The following PLEKHA6 variants were observed in gnomAD, a reference collection of about 807,000 sequenced individuals.
PLEKHA6 encodes pleckstrin homology domain-containing family A member 6.
Under a neutral mutation model 116.7 loss-of-function variants are expected in PLEKHA6, and 60 were observed. That is an observed-to-expected ratio of 0.51 (90% CI 0.42 to 0.64). The LOEUF (loss-of-function observed/expected upper bound fraction) is 0.64. Ranked by LOEUF, PLEKHA6 falls within the 30% of genes least tolerant of loss-of-function variation. The probability of loss-of-function intolerance (pLI) is 0.00; values close to 1 mark genes in which losing one functional copy is unlikely to be tolerated. For synonymous variants in PLEKHA6, 489 were observed against 556.1 expected (o/e 0.88, Z 1.70); for missense variants, 1,338 against 1,422.7 (o/e 0.94, Z 0.96).
In PLEKHA6 at chr1:204,242,534, A is replaced by T. The variant is rs1013301479; in HGVS notation, c.2173-720T>A. 2.6e-5 allele frequency among the ~76,000 whole-genome samples: 4 copies of T among 152,326 alleles called. No homozygotes were observed. The East Asian group carries it at 7.7e-4, about 29-fold the overall frequency. On this transcript the variant is annotated intron_variant, in intron 15 of 22. Coordinates refer to ENST00000272203, the MANE Select transcript of PLEKHA6 (RefSeq NM_014935.5). ...ATGAGCATATGAGTTTTCCAATTTT[A>T]GGCACAGGACTCTTTCTACTCACCA...
chr1:204,243,361 T>C (rs951385898), intron 15 of PLEKHA6: 1 of 399,076 alleles, frequency 2.5e-6, no homozygotes, highest in African/African-American at 2.1e-5. Flanking sequence ...ACAACATTGC[T>C]GGAGACCTGG....
intron 13 of PLEKHA6, 89 bp from the exon 14 acceptor site, chr1:204,245,815 C>G: frequency 1.2e-6 from 1 of 868,090 alleles, no homozygotes; most frequent in South Asian, 1.5e-5. Context: ...AACCCACATC[C>G]CTTTGGGCCA....
chr1:204,241,956 T>G, intron 15 of PLEKHA6, 142 bp from the exon 16 acceptor site: 1 of 891,196 alleles, frequency 1.1e-6, no homozygotes, highest in South Asian at 1.4e-5. Flanking sequence ...GTGTGCCGCC[T>G]GGGAGGCGGA....
At chr1:204,249,574 T>C (rs564963512) in intron 10 of PLEKHA6, among the ~76,000 whole-genome samples, 1 of 152,292 alleles carries the variant, frequency 6.6e-6, no homozygotes, top group Admixed American at 6.5e-5. Flanking sequence ...GGAGATGATA[T>C]GACCTCACCT....
intron 9 of PLEKHA6, among the ~76,000 whole-genome samples, chr1:204,253,676 T>C (rs1270104358): frequency 6.6e-6 from 1 of 151,632 alleles, no homozygotes; most frequent in East Asian, 1.9e-4. Flanking sequence ...AAAAAATTTT[T>C]TAATTAGCCA....
intron 1 of PLEKHA6, among the ~76,000 whole-genome samples, chr1:204,288,761 C>G (rs534190592): frequency 2.0e-5 from 3 of 152,144 alleles, no homozygotes; most frequent in African/African-American, 4.8e-5. Flanking sequence ...ATTTTTTTAC[C>G]TTAATGTCTC....
rs761790267 is a variant in PLEKHA6 at position 204,241,420 on chromosome 1, C to G, written c.2364G>C (p.Val788=). Residue 788 remains valine, a synonymous_variant, in exon 17 of 23, where the codon GTG becomes GTC. Coordinates refer to ENST00000272203, the MANE Select transcript of PLEKHA6 (RefSeq NM_014935.5). ...PTDDEVTPSA[V]VRRNASGLTN... ...TGAGCCCACTGGCATTCCTTCTTAC[C>G]ACTGCTGATGGGGTCACCTCATCAT... The G allele has an allele frequency of 6.2e-7, 1 of 1,611,866 alleles. No homozygotes were observed. Among genetic ancestry groups the G allele is most frequent in the Non-Finnish European group, 8.5e-7 (1 of 1,179,184 alleles).
In PLEKHA6 at chr1:204,219,210, AATAG is replaced by A. The variant is rs909023118; in HGVS notation, c.*3574_*3577del. 10 of 150,954 alleles carry A rather than the reference AATAG, an allele frequency of 6.6e-5. No homozygotes were observed. The highest frequency in any genetic ancestry group is 2.2e-4 in the African/African-American group (9 of 40,814). The allele number at this position is 150,954 out of a possible 1,614,324, so 9.4% of individuals were successfully genotyped here. A position where few individuals can be genotyped will look rare whatever the true frequency, so the allele number is the denominator to read the frequency against. ...TCAAATTGGCCCCAATATGTGCATA[AATAG>A]ATATACGTGTGTGTGTGTGTGTGTG... On this transcript the variant is annotated 3_prime_UTR_variant, in exon 23 of 23. Transcript: ENST00000272203.
chr1:204,286,833 C>T (rs1669236459), intron 1 of PLEKHA6, among the ~76,000 whole-genome samples: 2 of 152,278 alleles, frequency 1.3e-5, no homozygotes, highest in Non-Finnish European at 2.9e-5. Flanking sequence ...CCGTTCCTCT[C>T]CTATACTCTA....
At chr1:204,272,751 T>C (rs1667600703) in intron 3 of PLEKHA6, among the ~76,000 whole-genome samples, 1 of 152,250 alleles carries the variant, frequency 6.6e-6, no homozygotes, top group African/African-American at 2.4e-5. Flanking sequence ...TTCATGTCTG[T>C]ACATTTACAT....
chr1:204,298,125 C>A (rs910979641), intron 1 of PLEKHA6, among the ~76,000 whole-genome samples: 5 of 152,244 alleles, frequency 3.3e-5, no homozygotes, highest in African/African-American at 1.2e-4. Flanking sequence ...TGAAGAGCAG[C>A]AGCCAGTCAA....
In PLEKHA6 at chr1:204,267,392, C is replaced by G. The variant is rs958585626; in HGVS notation, c.280+83G>C. On this transcript the variant is annotated intron_variant, in intron 5 of 22. Transcript: ENST00000272203. ...TGCCCTGCTGGTGCCCATCCAAAGCCAAGCTCGGGGATATGGCAGAATGAG... is the reference window on the plus strand; with the variant it reads ...TGCCCTGCTGGTGCCCATCCAAAGCGAAGCTCGGGGATATGGCAGAATGAG... 9 of 1,269,992 alleles carry G rather than the reference C, an allele frequency of 7.1e-6. No homozygotes were observed. The African/African-American group carries it at 1.3e-4, about 19-fold the overall frequency. 78.7% of individuals were successfully genotyped at this position (1,269,992 alleles called of 1,614,324 possible). A position where few individuals can be genotyped will look rare whatever the true frequency, so the allele number is the denominator to read the frequency against.
At chr1:204,311,522 C>T (rs928187336) in intron 1 of PLEKHA6, 2 of 685,668 alleles carry the variant, frequency 2.9e-6, no homozygotes. Flanking sequence ...TGCTTCTACT[C>T]ATTGTTTCTA....
Position 204,257,251 on chromosome 1 carries a change from C to T in PLEKHA6, c.1524+102G>A. ...CTGCAGACAAACGGCCCAGTGGCCC[C>T]GTGGCACAGATGCTCCCACATCTCT... On this transcript the variant is annotated intron_variant, in intron 9 of 22. Transcript: ENST00000272203. This position sits in a 1 kb window ranked among gnomAD's most constrained non-coding sequence, Gnocchi z 6.5. 3 of 1,156,750 alleles carry T rather than the reference C, an allele frequency of 2.6e-6. No individual in the cohort carries two copies. The highest frequency in any genetic ancestry group is 3.7e-6 in the Non-Finnish European group (3 of 803,940). 71.7% of individuals were successfully genotyped at this position (1,156,750 alleles called of 1,614,324 possible).
chr1:204,225,804 A>T (rs1043233627), intron 21 of PLEKHA6, among the ~76,000 whole-genome samples: 1 of 152,012 alleles, frequency 6.6e-6, no homozygotes, highest in Admixed American at 6.6e-5. Context: ...CCTTTCCTCC[A>T]CTCTCACACT....
intron 6 of PLEKHA6, among the ~76,000 whole-genome samples, chr1:204,262,846 G>A (rs944061457): frequency 6.6e-6 from 1 of 152,138 alleles, no homozygotes; most frequent in African/African-American, 2.4e-5. Flanking sequence ...AAAAGCCAGT[G>A]AAGACTAAGA....
In PLEKHA6 at chr1:204,228,161, G is replaced by A; in HGVS notation, c.2953C>T (p.Leu985=). 1 of 1,613,492 alleles carries A rather than the reference G, an allele frequency of 6.2e-7. No individual in the cohort carries two copies. Among genetic ancestry groups the A allele is most frequent in the Non-Finnish European group, 8.5e-7 (1 of 1,179,600 alleles). The change falls in exon 21 of 23, where the codon CTG becomes TTG. Residue 985 remains leucine, a synonymous_variant. Transcript: ENST00000272203. This position sits in a 1 kb window ranked among gnomAD's most constrained non-coding sequence, Gnocchi z 4.0. ...VDVPQDSESQ[L]QEQEKRIEIS... is the part of the protein sequence containing the mutation. ...TCAATCCGCTTCTCCTGCTCCTGCA[G>A]CTGGCTCTCTGAGTCCTGGGGCACG...
intron 1 of PLEKHA6, among the ~76,000 whole-genome samples, chr1:204,287,210 T>A (rs1669286420): frequency 6.6e-6 from 1 of 151,028 alleles, no homozygotes; most frequent in Non-Finnish European, 1.5e-5. Context: ...AAGTAAGCAC[T>A]TCCTTTTTGG....
Position 204,255,562 on chromosome 1 carries a change from G to C in PLEKHA6, c.1524+1791C>G, listed in dbSNP as rs1290834420. Reference sequence around the variant, plus strand: ...AAATGGCTGGAAGATGAGGAGGTGGGGAGGAGTGGAGAGATGCGACAGGAA... The same window carrying C: ...AAATGGCTGGAAGATGAGGAGGTGGCGAGGAGTGGAGAGATGCGACAGGAA... On this transcript the variant is annotated intron_variant, in intron 9 of 22. Transcript: ENST00000272203. 5 of 695,888 alleles carry C rather than the reference G, an allele frequency of 7.2e-6. No individual in the cohort carries two copies. The Admixed American group carries it at 8.2e-5, about 11-fold the overall frequency. The allele number at this position is 695,888 out of a possible 1,614,324, so 43.1% of individuals were successfully genotyped here.
Sources: allele counts gnomAD v4.1 joint callset (sites outside exome capture counted in the v4.1 genomes callset), GRCh38; gene constraint gnomAD v4.1.1; non-coding constraint Gnocchi (gnomAD v3.1); transcripts MANE v1.5; gene names NCBI Gene and HGNC (gene_info 2026-07-23, HGNC 2026-07-21).